Variants in PAK5 observed in about 807,000 individuals in gnomAD.
PAK5 encodes the protein serine/threonine-protein kinase PAK 5.
In PAK5, 16 loss-of-function variants were observed where a neutral mutation model predicts 65.9. The ratio of observed to expected loss-of-function variants is 0.24; its 90% CI spans 0.16 to 0.37. The LOEUF (loss-of-function observed/expected upper bound fraction) is 0.37. Ranked by LOEUF, PAK5 falls within the 10% of genes least tolerant of loss-of-function variation. The pLI, the probability that PAK5 is intolerant of heterozygous loss-of-function variation, is 1.00. For synonymous variants in PAK5, 371 were observed against 354.9 expected (o/e 1.05, Z -0.51); for missense variants, 785 against 903.9 (o/e 0.87, Z 1.69).
At chr20:9,667,211 A>G (rs1419544408) in intron 2 of PAK5, among the ~76,000 whole-genome samples, 2 of 152,156 alleles carry the variant, frequency 1.3e-5, no homozygotes, top group Admixed American at 1.3e-4. Flanking sequence ...TGGGAGGCAG[A>G]GGTTGCAGTT....
chr20:9,782,924 C>CTTTTTTTTTTTTTTT (rs113360688), intron 1 of PAK5, among the ~76,000 whole-genome samples: 1 of 143,432 alleles, frequency 7.0e-6, no homozygotes, highest in African/African-American at 2.6e-5. Context: ...CTCTTTCTTT[C>CTTTTTTTTTTTTTTT]TTTTTTTTTT....
chr20:9,820,145 G>A (rs1645132236), intron 1 of PAK5, among the ~76,000 whole-genome samples: 1 of 152,096 alleles, frequency 6.6e-6, no homozygotes, highest in Non-Finnish European at 1.5e-5. Context: ...GAATCCTGTT[G>A]AAGATACGCC....
intron 3 of PAK5, among the ~76,000 whole-genome samples, chr20:9,608,685 A>C (rs973877996): frequency 2.0e-5 from 3 of 152,268 alleles, no homozygotes; most frequent in Non-Finnish European, 4.4e-5. Flanking sequence ...ACATATTCTG[A>C]AATTAAAAGC....
Position 9,734,522 on chromosome 20 carries a change from A to G in PAK5, c.-161-23087T>C, listed in dbSNP as rs533637614. Among the ~76,000 whole-genome samples the G allele has an allele frequency of 1.3e-3, 197 of 151,374 alleles. 1 individual carries two copies. Among genetic ancestry groups the G allele is most frequent in the African/African-American group, 4.6e-3 (187 of 41,028 alleles). The stretch of plus-strand genomic sequence containing the variant: ...AAGATACAAGAAGAAAGCAAGAGAG[A>G]AAAAGACTGATAGACACACACGCGC... On this transcript the variant is annotated intron_variant, in intron 1 of 9. Coordinates refer to ENST00000353224, the MANE Select transcript of PAK5 (RefSeq NM_177990.4).
At chr20:9,658,369 T>C (rs1192491718) in intron 2 of PAK5, among the ~76,000 whole-genome samples, 1 of 152,180 alleles carries the variant, frequency 6.6e-6, no homozygotes, top group Non-Finnish European at 1.5e-5. Flanking sequence ...CCACATGGAC[T>C]CTCATCTTTC....
chr20:9,837,035 A>G (rs748938323), intron 1 of PAK5, among the ~76,000 whole-genome samples: 1 of 152,228 alleles, frequency 6.6e-6, no homozygotes, highest in South Asian at 2.1e-4. Context: ...CAATGCTTAG[A>G]TATCAATTGA....
At chr20:9,598,704 T>C (rs1175139702) in intron 3 of PAK5, among the ~76,000 whole-genome samples, 1 of 152,208 alleles carries the variant, frequency 6.6e-6, no homozygotes, top group African/African-American at 2.4e-5. Flanking sequence ...ATTTCTCTAA[T>C]GATAGTGATG....
At chr20:9,658,603 T>C (rs1179808818) in intron 2 of PAK5, among the ~76,000 whole-genome samples, 1 of 152,150 alleles carries the variant, frequency 6.6e-6, no homozygotes, top group Non-Finnish European at 1.5e-5. Flanking sequence ...TTGGCTACTG[T>C]GAGACATAGA....
At chr20:9,712,936 C>G (rs1162428345) in intron 1 of PAK5, among the ~76,000 whole-genome samples, 1 of 151,900 alleles carries the variant, frequency 6.6e-6, no homozygotes, top group South Asian at 2.1e-4. Context: ...ATTGAGAAAA[C>G]ATTACAAGAC....
chr20:9,732,513 A>C (rs147224490), intron 1 of PAK5, among the ~76,000 whole-genome samples: 2 of 152,356 alleles, frequency 1.3e-5, no homozygotes, highest in East Asian at 3.9e-4. Flanking sequence ...TTTAGTCTAC[A>C]TCCTTCCAGG....
intron 1 of PAK5, among the ~76,000 whole-genome samples, chr20:9,720,469 C>T (rs532289247): frequency 1.9e-4 from 29 of 152,204 alleles, no homozygotes; most frequent in African/African-American, 7.0e-4. Flanking sequence ...ATCACCATAA[C>T]ACACATTTAT....
intron 3 of PAK5, among the ~76,000 whole-genome samples, chr20:9,618,218 A>T (rs1170269819): frequency 6.6e-6 from 1 of 152,156 alleles, no homozygotes; most frequent in South Asian, 2.1e-4. Context: ...CAGAACATAC[A>T]GTAAATACTA....
At chr20:9,714,108 T>C (rs921723506) in intron 1 of PAK5, among the ~76,000 whole-genome samples, 5 of 152,090 alleles carry the variant, frequency 3.3e-5, no homozygotes, top group African/African-American at 1.2e-4. Context: ...TATCAAAACA[T>C]CACATGTATC....
chr20:9,577,446 A>C (rs917929189), intron 4 of PAK5: 2 of 146,290 alleles, frequency 1.4e-5, no homozygotes, highest in African/African-American at 5.1e-5. Flanking sequence ...TTTCTGCTTC[A>C]TCTGGAGACC....
rs918815367 is a variant in PAK5 at position 9,563,146 on chromosome 20, C to T, written c.1483-122G>A. The T allele has an allele frequency of 2.8e-5, 25 of 878,988 alleles. No homozygotes were observed. In the Admixed American group the frequency reaches 5.2e-4, roughly 18 times the overall value. 54.4% of individuals were successfully genotyped at this position (878,988 alleles called of 1,614,324 possible). A position where few individuals can be genotyped will look rare whatever the true frequency, so the allele number is the denominator to read the frequency against. ...GGTACTGATTGTGGGGAAGTTTATT[C>T]AGAAAATCTATTACAGACAAAAAGC... is the stretch of plus-strand genomic sequence containing the variant. On this transcript the variant is annotated intron_variant, in intron 5 of 9. Coordinates refer to ENST00000353224, the MANE Select transcript of PAK5 (RefSeq NM_177990.4).
At chr20:9,603,993 A>T (rs1020170099) in intron 3 of PAK5, among the ~76,000 whole-genome samples, 1 of 152,216 alleles carries the variant, frequency 6.6e-6, no homozygotes, top group African/African-American at 2.4e-5. Context: ...TCCGCTAAAA[A>T]ATCCTATAAG....
chr20:9,836,657 A>G (rs1979171994), intron 1 of PAK5, among the ~76,000 whole-genome samples: 1 of 152,212 alleles, frequency 6.6e-6, no homozygotes, highest in Non-Finnish European at 1.5e-5. Flanking sequence ...GTAACTTGTT[A>G]TAACTGCCCT....
intron 3 of PAK5, among the ~76,000 whole-genome samples, chr20:9,635,813 A>G (rs2046976553): frequency 6.6e-6 from 1 of 152,210 alleles, no homozygotes; most frequent in South Asian, 2.1e-4. Flanking sequence ...CTGATTTAAG[A>G]GGATAGGAAA....
intron 3 of PAK5, among the ~76,000 whole-genome samples, chr20:9,621,596 A>C (rs1056761703): frequency 6.6e-5 from 10 of 152,180 alleles, no homozygotes; most frequent in African/African-American, 2.4e-4. Flanking sequence ...AAAAACTCTT[A>C]CATACTTCCA....
Sources: gnomAD v4.1 joint callset for allele counts (sites outside exome capture counted in the v4.1 genomes callset) on GRCh38, gnomAD v4.1.1 for gene constraint, MANE v1.5 for transcripts, NCBI Gene and HGNC (gene_info 2026-07-23, HGNC 2026-07-21) for gene names.